ADGB: variants seen among roughly 807,000 people sequenced by gnomAD.
The protein encoded by ADGB is androglobin.
A neutral mutation model predicts 210.5 loss-of-function variants in ADGB; 172 were observed. The observed-to-expected ratio is 0.82, with a 90% CI of 0.72 to 0.93. ADGB has a LOEUF of 0.93. Ranked by LOEUF, ADGB falls within the 40% of genes least tolerant of loss-of-function variation. The pLI is 0.00. For missense variants in ADGB, 2,025 were observed against 1,964.8 expected, an observed-to-expected ratio of 1.03 and a Z score of -0.58; for synonymous variants, 658 against 662.7, an observed-to-expected ratio of 0.99 and a Z score of 0.11.
At chr6:146,802,387 C>A in intron 35 of ADGB, 1 of 167,820 alleles carries the variant, frequency 6.0e-6, no homozygotes. Flanking sequence ...TTAAATAAAA[C>A]ACAATCTTAA....
rs151108958 is a variant in ADGB at position 146,601,877 on chromosome 6, T to G, written c.74+2763T>G. 1.4e-3 allele frequency among the ~76,000 whole-genome samples: 212 copies of G among 152,332 alleles called. 3 individuals are homozygous for G. Among genetic ancestry groups the G allele is most frequent in the African/African-American group, 5.0e-3 (206 of 41,580 alleles). The stretch of plus-strand genomic sequence containing the variant: ...ACCATGTGCTTACTAAATGAGCTCA[T>G]AGTTTTGTTATCCACCTTGGTTTTC... On this transcript the variant is annotated intron_variant, in intron 1 of 35. Coordinates refer to ENST00000397944, the MANE Select transcript of ADGB (RefSeq NM_024694.4).
At chr6:146,734,814 G>A (rs189864165) in intron 22 of ADGB, among the ~76,000 whole-genome samples, 237 of 152,268 alleles carry the variant, frequency 1.6e-3, no homozygotes, top group African/African-American at 5.2e-3. Flanking sequence ...GAAGGCAGAG[G>A]TGGGAGGATT....
At chr6:146,807,630 T>A in intron 35 of ADGB, 1 of 1,463,364 alleles carries the variant, frequency 6.8e-7, no homozygotes, top group Non-Finnish European at 9.1e-7. Flanking sequence ...AGAGAAAAAA[T>A]TTATTTGTAA....
chr6:146,676,248 T>G, intron 8 of ADGB, 65 bp from the exon 9 acceptor site: 1 of 1,365,014 alleles, frequency 7.3e-7, no homozygotes, highest in South Asian at 1.8e-5. Flanking sequence ...AGACAATGAC[T>G]GAATAAGAAA....
intron 35 of ADGB, chr6:146,803,913 A>C (rs989052595): frequency 9.1e-5 from 26 of 284,410 alleles, no homozygotes; most frequent in African/African-American, 5.6e-4. Flanking sequence ...GAATGCCTAC[A>C]GAATCCCCAA....
chr6:146,612,915 A>G (rs1780734613), intron 1 of ADGB, among the ~76,000 whole-genome samples: 1 of 152,094 alleles, frequency 6.6e-6, no homozygotes, highest in Admixed American at 6.5e-5. Context: ...CCCTCTTCCC[A>G]TTTCCTTTTC....
intron 2 of ADGB, among the ~76,000 whole-genome samples, chr6:146,641,488 G>T (rs1775514361): frequency 6.6e-6 from 1 of 150,936 alleles, no homozygotes; most frequent in Non-Finnish European, 1.5e-5. Flanking sequence ...CACGCGACCT[G>T]ACTTCAAACT....
intron 27 of ADGB, among the ~76,000 whole-genome samples, chr6:146,761,525 C>A (rs769664580): frequency 2.0e-5 from 3 of 152,012 alleles, no homozygotes; most frequent in Non-Finnish European, 4.4e-5. Flanking sequence ...ACTTGGGGAG[C>A]ACTAACTTCT....
intron 26 of ADGB, among the ~76,000 whole-genome samples, chr6:146,747,798 A>G (rs994697562): frequency 2.1e-5 from 2 of 96,234 alleles, no homozygotes; most frequent in African/African-American, 1.0e-4. Context: ...TTTTTTTTTG[A>G]GACAGAGTCT....
At chr6:146,714,495 C>A (rs1351778571) in intron 13 of ADGB, among the ~76,000 whole-genome samples, 2 of 152,308 alleles carry the variant, frequency 1.3e-5, no homozygotes, top group East Asian at 3.9e-4. Context: ...ACAGTAGACT[C>A]TTCTACTTCC....
chr6:146,599,013 C>A lies in ADGB; in HGVS notation c.-28C>A, dbSNP rs866305964. The A allele has an allele frequency of 5.2e-6, 8 of 1,545,074 alleles. No homozygotes were observed. The highest frequency in any genetic ancestry group is 4.4e-6 in the Non-Finnish European group (5 of 1,141,156). On this transcript the variant is annotated 5_prime_UTR_variant, in exon 1 of 36. Transcript: ENST00000397944. Reference sequence around the variant, plus strand: ...GCGCCCGCAGGCTCTTTGCTCAGAGCTCAGCCCTACATAGATCGGCTTCTG... The same window carrying A: ...GCGCCCGCAGGCTCTTTGCTCAGAGATCAGCCCTACATAGATCGGCTTCTG...
intron 29 of ADGB, 56 bp downstream of exon 29, chr6:146,769,187 A>C: frequency 2.4e-6 from 2 of 822,254 alleles, no homozygotes; most frequent in Non-Finnish European, 3.8e-6. Context: ...GTTGATATTT[A>C]AATATTTAAT....
chr6:146,762,614 T>C (rs1777509053), intron 27 of ADGB, among the ~76,000 whole-genome samples: 1 of 152,156 alleles, frequency 6.6e-6, no homozygotes, highest in African/African-American at 2.4e-5. Flanking sequence ...CTGCTAAGAG[T>C]CTAGATTATG....
At chr6:146,693,045 A>G in intron 12 of ADGB, 130 bp downstream of exon 12, 1 of 559,418 alleles carries the variant, frequency 1.8e-6, no homozygotes, top group Non-Finnish European at 3.1e-6. Flanking sequence ...AAATACATGT[A>G]AAAACTTTAA....
chr6:146,619,720 T>C (rs1780861925), intron 1 of ADGB, among the ~76,000 whole-genome samples: 1 of 152,166 alleles, frequency 6.6e-6, no homozygotes, highest in Non-Finnish European at 1.5e-5. Context: ...AATTTATGTC[T>C]TTTTCTATTT....
intron 1 of ADGB, among the ~76,000 whole-genome samples, chr6:146,604,429 G>A (rs1048428777): frequency 7.2e-5 from 11 of 152,072 alleles, no homozygotes; most frequent in African/African-American, 2.7e-4. Flanking sequence ...TGAATGATCA[G>A]CCTTTGTGGC....
rs1433140467 is a variant in ADGB, at chr6:146,811,518, A to G, written c.4819-3514A>G. Among the ~76,000 whole-genome samples, 3 of 144,846 alleles carry G rather than the reference A, an allele frequency of 2.1e-5. No homozygotes were observed. In the East Asian group the frequency reaches 7.0e-4, roughly 34 times the overall value. On this transcript the variant is annotated intron_variant, in intron 35 of 35. Transcript: ENST00000397944. ...GATATTCAAGTAGTAACATTATTAT[A>G]TATTCTCAAGTTAGATAAAAATCAT...
At chr6:146,701,190 A>G in intron 13 of ADGB, 120 bp downstream of exon 13, 2 of 1,131,838 alleles carry the variant, frequency 1.8e-6, no homozygotes, top group South Asian at 1.7e-5. Context: ...CAGTATAAAG[A>G]ATAGTGTTAA....
intron 12 of ADGB, among the ~76,000 whole-genome samples, chr6:146,697,174 T>C (rs1776415359): frequency 6.6e-6 from 1 of 152,032 alleles, no homozygotes; most frequent in Non-Finnish European, 1.5e-5. Context: ...ACAATAGGGA[T>C]AGAAAGAAAG....
Sources: allele counts gnomAD v4.1 joint callset (sites outside exome capture counted in the v4.1 genomes callset), GRCh38; gene constraint gnomAD v4.1.1; transcripts MANE v1.5; gene names NCBI Gene and HGNC (gene_info 2026-07-23, HGNC 2026-07-21).